VPS26A: variants seen among roughly 807,000 people sequenced by gnomAD.
VPS26A encodes vacuolar protein sorting-associated protein 26A.
Under a neutral mutation model 42.4 loss-of-function variants are expected in VPS26A, and 22 were observed. That is an observed-to-expected ratio of 0.52 (90% CI 0.37 to 0.74). VPS26A has a LOEUF of 0.74. Among genes scored for constraint, VPS26A ranks in the 30% least tolerant of loss-of-function variants. VPS26A has a pLI of 0.00. For synonymous variants in VPS26A, 110 were observed against 123.5 expected, an observed-to-expected ratio of 0.89 and a Z score of 0.73; for missense variants, 276 against 379.2, an observed-to-expected ratio of 0.73 and a Z score of 2.26.
At chr10:69,124,716 G>A (rs1840612128) in intron 1 of VPS26A, among the ~76,000 whole-genome samples, 1 of 152,248 alleles carries the variant, frequency 6.6e-6, no homozygotes, top group Non-Finnish European at 1.5e-5. Context: ...GGCACTCAGT[G>A]TGTCACGAAC....
intron 2 of VPS26A, among the ~76,000 whole-genome samples, chr10:69,137,748 A>G (rs1394283743): frequency 6.6e-6 from 1 of 152,068 alleles, no homozygotes; most frequent in African/African-American, 2.4e-5. Context: ...ACATGTGTAC[A>G]CCATGGGATA....
chr10:69,155,564 T>C (rs1424104331), intron 2 of VPS26A, among the ~76,000 whole-genome samples: 1 of 152,198 alleles, frequency 6.6e-6, no homozygotes. Flanking sequence ...TCTCCACCTA[T>C]TAAGGATTCC....
chr10:69,133,076 A>G, intron 2 of VPS26A, 29 bp downstream of exon 2: 1 of 1,595,246 alleles, frequency 6.3e-7, no homozygotes, highest in Non-Finnish European at 8.5e-7. Context: ...AAAACTATCT[A>G]ATTGTAAGAT....
intron 6 of VPS26A, 61 bp downstream of exon 6, chr10:69,162,573 T>A: frequency 1.8e-6 from 2 of 1,092,256 alleles, no homozygotes; most frequent in Non-Finnish European, 2.6e-6. Context: ...TTTAAAATCT[T>A]AAAATATTGT....
chr10:69,162,535 A>T, intron 6 of VPS26A, 23 bp downstream of exon 6: 1 of 1,409,744 alleles, frequency 7.1e-7, no homozygotes, highest in South Asian at 1.3e-5. Context: ...GAGTATGTAA[A>T]TTAAAATTCT....
chr10:69,168,725 G>C (rs1449087839), intron 8 of VPS26A, 94 bp downstream of exon 8: 2 of 1,457,014 alleles, frequency 1.4e-6, no homozygotes, highest in Non-Finnish European at 1.8e-6. Flanking sequence ...GAGCGAGTGG[G>C]AGTTTCTAAA....
At position 69,171,544 on chromosome 10, in the gene VPS26A, G is replaced by C. The variant is rs1445741497; in HGVS notation, c.*275G>C. 3.8e-6 allele frequency: 1 copy of C among 264,846 alleles called. No homozygotes were observed. Among genetic ancestry groups the C allele is most frequent in the African/African-American group, 2.3e-5 (1 of 43,774 alleles). 16.4% of individuals were successfully genotyped at this position (264,846 alleles called of 1,614,324 possible). ...TTCCTACTTTGATGATAAGCACTCA[G>C]ATATATATCAGCGTAAACATGAAAA... On this transcript the variant is annotated 3_prime_UTR_variant, in exon 9 of 9. Coordinates refer to ENST00000263559, the MANE Select transcript of VPS26A (RefSeq NM_004896.5).
chr10:69,142,628 A>G (rs1841068792), intron 2 of VPS26A, among the ~76,000 whole-genome samples: 2 of 152,180 alleles, frequency 1.3e-5, no homozygotes, highest in African/African-American at 4.8e-5. Flanking sequence ...AAGCTAAGAA[A>G]GACATTTTAA....
chr10:69,145,279 C>T (rs1454683235), intron 2 of VPS26A, among the ~76,000 whole-genome samples: 2 of 152,214 alleles, frequency 1.3e-5, no homozygotes, highest in Non-Finnish European at 2.9e-5. Context: ...AGGTGATCCA[C>T]ACACCTTGGC....
In VPS26A at chr10:69,166,098, G is replaced by A. The variant is rs2132237721; in HGVS notation, c.715G>A (p.Ala239Thr). 2 of 1,613,930 alleles carry A rather than the reference G, an allele frequency of 1.2e-6. No individual in the cohort carries two copies. Among genetic ancestry groups the A allele is most frequent in the East Asian group, 2.2e-5 (1 of 44,838 alleles). ...CGCCAAATATGAAATAATGGATGGTGCACCAGTAAAAGGTAACACACTTTT... is the reference window on the plus strand; with the variant it reads ...CGCCAAATATGAAATAATGGATGGTACACCAGTAAAAGGTAACACACTTTT... ...TIAKYEIMDG[A>T]PVKGESIPIR... Residue 239 changes from alanine (A) to threonine (T), a missense_variant, in exon 7 of 9, where the codon GCA becomes ACA. Physicochemically the swap from Ala to Thr is moderately conservative, Grantham distance 58. Coordinates refer to ENST00000263559, the MANE Select transcript of VPS26A (RefSeq NM_004896.5).
intron 2 of VPS26A, among the ~76,000 whole-genome samples, chr10:69,144,946 A>G (rs1841121808): frequency 6.6e-6 from 1 of 151,958 alleles, no homozygotes; most frequent in Non-Finnish European, 1.5e-5. Context: ...TGCTTTTCAT[A>G]TCTAGTTTAA....
intron 4 of VPS26A, among the ~76,000 whole-genome samples, chr10:69,157,467 T>A (rs1841458343): frequency 6.6e-6 from 1 of 152,184 alleles, no homozygotes; most frequent in Non-Finnish European, 1.5e-5. Flanking sequence ...CCAGAAAATC[T>A]CCTTTAGTAT....
chr10:69,152,716 T>TCC lies in VPS26A; in HGVS notation c.154-3094_154-3093dup, dbSNP rs113073069. 4.6e-5 allele frequency among the ~76,000 whole-genome samples: 7 copies of TCC among 152,270 alleles called. 1 individual carries two copies. The highest frequency in any genetic ancestry group is 1.7e-4 in the African/African-American group (7 of 41,568). On this transcript the variant is annotated intron_variant, in intron 2 of 8. Transcript: ENST00000263559. ...GGGGCACAGTGGCTCATGCCTGTAATCCCAGCACTTTGGGAGGCCGAGGCG... is the reference window on the plus strand; with the variant it reads ...GGGGCACAGTGGCTCATGCCTGTAATCCCCCAGCACTTTGGGAGGCCGAGGCG...
intron 2 of VPS26A, among the ~76,000 whole-genome samples, chr10:69,149,747 T>TTG (rs1841254254): frequency 7.4e-6 from 1 of 135,660 alleles, no homozygotes; most frequent in African/African-American, 2.9e-5. Context: ...TTTTTTTTTT[T>TTG]TTTTTTTTTT....
At chr10:69,124,511 T>C (rs749079169) in intron 1 of VPS26A, among the ~76,000 whole-genome samples, 21 of 152,172 alleles carry the variant, frequency 1.4e-4, no homozygotes, top group Non-Finnish European at 2.2e-4. Flanking sequence ...CTCCTGGCCA[T>C]GTCGGAGCCT....
At chr10:69,154,670 T>C (rs1841391276) in intron 2 of VPS26A, among the ~76,000 whole-genome samples, 1 of 152,118 alleles carries the variant, frequency 6.6e-6, no homozygotes, top group African/African-American at 2.4e-5. Flanking sequence ...TGAGACCAGC[T>C]TGGGCAATAT....
intron 1 of VPS26A, among the ~76,000 whole-genome samples, chr10:69,127,425 C>T (rs1840682033): frequency 6.6e-6 from 1 of 151,618 alleles, no homozygotes; most frequent in East Asian, 2.0e-4. Flanking sequence ...CGGTGGCGGG[C>T]ACCTGTAGTC....
intron 2 of VPS26A, among the ~76,000 whole-genome samples, chr10:69,143,967 C>T (rs1461353954): frequency 6.6e-6 from 1 of 152,220 alleles, no homozygotes; most frequent in Non-Finnish European, 1.5e-5. Flanking sequence ...ATCCTCCTGC[C>T]TCTGCCTTCC....
chr10:69,167,464 G>A (rs567866006), intron 7 of VPS26A, among the ~76,000 whole-genome samples: 179 of 151,208 alleles, frequency 1.2e-3, no homozygotes, highest in Non-Finnish European at 2.2e-3. Flanking sequence ...AGCCAGGCGC[G>A]GTGGCTCACG....
Sources: allele counts gnomAD v4.1 joint callset (sites outside exome capture counted in the v4.1 genomes callset), GRCh38; gene constraint gnomAD v4.1.1; transcripts MANE v1.5; gene names NCBI Gene and HGNC (gene_info 2026-07-23, HGNC 2026-07-21).